TTN: variants seen among roughly 807,000 people sequenced by gnomAD.
TTN encodes connectin.
In TTN, 1,525 loss-of-function variants were observed where a neutral mutation model predicts 3,223.0. That is an observed-to-expected ratio of 0.47 (90% confidence interval 0.45 to 0.49). The LOEUF (loss-of-function observed/expected upper bound fraction) is 0.49. Ranked by LOEUF, TTN falls within the 20% of genes least tolerant of loss-of-function variation. The pLI, the probability that TTN is intolerant of heterozygous loss-of-function variation, is 0.00. For synonymous variants in TTN, 14,094 were observed against 15,161.0 expected, an observed-to-expected ratio of 0.93 and a Z score of 5.17; for missense variants, 40,786 against 43,424.0, an observed-to-expected ratio of 0.94 and a Z score of 5.40.
Position 178,759,182 on chromosome 2 carries a change from A to T in TTN, c.10115-10T>A. 6.2e-7 allele frequency: 1 copy of T among 1,613,890 alleles called. No individual in the cohort carries two copies. Among genetic ancestry groups the T allele is most frequent in the Non-Finnish European group, 8.5e-7 (1 of 1,179,896 alleles). On this transcript the variant is annotated splice_polypyrimidine_tract_variant and intron_variant, in intron 43 of 362. Coordinates refer to ENST00000589042, the MANE Select transcript of TTN (RefSeq NM_001267550.2). ...CACGACACTTTTAGATCTGCGACAC[A>T]AAAGAAAAGAGATACTTCAACCACA...
At position 178,616,394 on chromosome 2, in the gene TTN, A is replaced by G. The variant is rs923848220; in HGVS notation, c.48312+85T>C. 3.8e-6 allele frequency: 6 copies of G among 1,563,032 alleles called. No homozygotes were observed. The African/African-American group carries it at 5.5e-5, about 14-fold the overall frequency. Reference sequence around the variant, plus strand: ...AGGTAAAGGTAAGAAGTTGTAGCACATAAGACTTTTGTATGGCATCCCAAC... The same window carrying G: ...AGGTAAAGGTAAGAAGTTGTAGCACGTAAGACTTTTGTATGGCATCCCAAC... On this transcript the variant is annotated intron_variant, in intron 257 of 362. Coordinates refer to ENST00000589042, the MANE Select transcript of TTN (RefSeq NM_001267550.2).
At position 178,740,161 on chromosome 2, in the gene TTN, C is replaced by T. The variant is rs757979946; in HGVS notation, c.13072G>A (p.Glu4358Lys). Residue 4358 changes from glutamate to lysine, a missense_variant, in exon 48 of 363, where the codon GAG becomes AAG. Transcript: ENST00000589042. ...ATTGCCACGGGCTCTCTTTTAGACT[C>T]AATGATTTGGTCTGGGGGCATCACC... is the stretch of plus-strand genomic sequence containing the variant. ...NVVMPPDQII[E>K]SKREPVAIKK... The T allele has an allele frequency of 1.9e-6, 3 of 1,613,748 alleles. No individual in the cohort carries two copies. The highest frequency in any genetic ancestry group is 2.2e-5 in the South Asian group (2 of 91,052).
At position 178,544,087 on chromosome 2, in the gene TTN, A is replaced by T. The variant is rs786205366; in HGVS notation, c.96057T>A (p.Asp32019Glu). 1 of 1,610,310 alleles carries T rather than the reference A, an allele frequency of 6.2e-7. No individual in the cohort carries two copies. The highest frequency in any genetic ancestry group is 1.3e-5 in the African/African-American group (1 of 74,782). Residue 32019 changes from aspartate to glutamate, a missense_variant, in exon 346 of 363, where the codon GAT (aspartate) becomes GAA (glutamate). Physicochemically the swap from Asp to Glu is conservative, Grantham distance 45. Transcript: ENST00000589042. ...IEIPDLELAD[D>E]LKKTVTIRAG... ...CCCTGATGGTCACAGTCTTCTTTAG[A>T]TCATCTGCAAGCTCAAGATCTGGTA...
At chr2:178,736,383 T>G (rs2081440358) in intron 49 of TTN, among the ~76,000 whole-genome samples, 1 of 152,196 alleles carries the variant, frequency 6.6e-6, no homozygotes, top group Non-Finnish European at 1.5e-5. Flanking sequence ...GATAAGCTAT[T>G]GAGCTGATAC....
intron 47 of TTN, chr2:178,745,786 A>G: frequency 6.2e-7 from 1 of 1,613,224 alleles, no homozygotes; most frequent in Non-Finnish European, 8.5e-7. Context: ...TTGGAGAGCC[A>G]CGAACTAAGC....
chr2:178,623,480 C>G, intron 242 of TTN, among the ~76,000 whole-genome samples: 1 of 151,844 alleles, frequency 6.6e-6, no homozygotes, highest in East Asian at 1.9e-4. Context: ...TGAGTCCTTC[C>G]CAAGATGACC....
Position 178,646,541 on chromosome 2 carries a change from T to A in TTN, c.40241A>T (p.Tyr13414Phe). ...AGGTTCGGGCTCTTCAGGTTTAATA[T>A]ACTTTTCAATTTCACGTTCTTTAAA... ...PPVEEREIEK[Y>F]IKPEEPEPEP... Residue 13414 changes from tyrosine to phenylalanine, a missense_variant, in exon 216 of 363, where the codon TAT (tyrosine) becomes TTT (phenylalanine). Physicochemically the swap from Tyr to Phe is conservative, Grantham distance 22. Coordinates refer to ENST00000589042, the MANE Select transcript of TTN (RefSeq NM_001267550.2). 6.5e-7 allele frequency: 1 copy of A among 1,546,796 alleles called. No individual in the cohort carries two copies. Among genetic ancestry groups the A allele is most frequent in the South Asian group, 1.2e-5 (1 of 83,778 alleles).
Position 178,539,002 on chromosome 2 carries a change from A to T in TTN, c.98933T>A (p.Val32978Asp). 5 of 1,613,734 alleles carry T rather than the reference A, an allele frequency of 3.1e-6. No homozygotes were observed. Among genetic ancestry groups the T allele is most frequent in the Non-Finnish European group, 4.2e-6 (5 of 1,179,694 alleles). ...AGCAGGGCTGGTCTCACTCAGGCCA[A>T]CATCATTCTGTGCGATGATGCGGAA... is the stretch of plus-strand genomic sequence containing the variant. Reference protein sequence around the residue: ...YQFRIIAQNDVGLSETSPASE... With the variant: ...YQFRIIAQNDDGLSETSPASE... The change falls in exon 353 of 363, where the codon GTT becomes GAT. Residue 32978 changes from valine (V) to aspartate (D), a missense_variant. Val to Asp is a radical substitution (Grantham distance 152). Coordinates refer to ENST00000589042, the MANE Select transcript of TTN (RefSeq NM_001267550.2).
At position 178,775,883 on chromosome 2, in the gene TTN, G is replaced by A. The variant is rs758483877; in HGVS notation, c.5981C>T (p.Ser1994Leu). Residue 1994 changes from serine to leucine, a missense_variant, in exon 28 of 363, where the codon TCG (serine) becomes TTG (leucine). Physicochemically the swap from Ser to Leu is moderately radical, Grantham distance 145. Transcript: ENST00000589042. ...CTTGAATTTACTGCGCAGCTCTTCC[G>A]ACTCTTCAGGCACTTTTTCATGGGT... ...RITHEKVPEESEELRSKFKRR... is the reference protein window; with the variant it reads ...RITHEKVPEELEELRSKFKRR... 6.8e-6 allele frequency: 11 copies of A among 1,613,960 alleles called. No individual in the cohort carries two copies. The highest frequency in any genetic ancestry group is 1.6e-4 in the Middle Eastern group (1 of 6,084).
chr2:178,717,299 C>T lies in TTN; in HGVS notation c.25435G>A (p.Val8479Ile), dbSNP rs990182590. 3 of 1,613,564 alleles carry T rather than the reference C, an allele frequency of 1.9e-6. No homozygotes were observed. ...LGESGTFKCH[V>I]TGTAPIKITW... ...ATTTTGATTGGTGCAGTCCCAGTTA[C>T]ATGACATTTAAAAGTACCACTTTCT... Residue 8479 changes from valine (V) to isoleucine (I), a missense_variant, in exon 88 of 363, where the codon GTA becomes ATA. Physicochemically the swap from Val to Ile is conservative, Grantham distance 29. Transcript: ENST00000589042.
chr2:178,547,393 T>A lies in TTN; in HGVS notation c.94219+14A>T. On this transcript the variant is annotated intron_variant, in intron 339 of 362. Transcript: ENST00000589042. ...ATAATAGAGACTTTGAAATAGGATT[T>A]TTATTTTTCTTACCAAATGGATGTT... is the stretch of plus-strand genomic sequence containing the variant. 6.3e-7 allele frequency: 1 copy of A among 1,585,078 alleles called. No individual in the cohort carries two copies. Among genetic ancestry groups the A allele is most frequent in the Non-Finnish European group, 8.6e-7 (1 of 1,165,550 alleles).
rs994448356 is a variant in TTN at position 178,546,681 on chromosome 2, G to A, written c.94747C>T (p.Arg31583Cys). The A allele has an allele frequency of 1.9e-6, 3 of 1,613,586 alleles. No homozygotes were observed. Among genetic ancestry groups the A allele is most frequent in the African/African-American group, 1.3e-5 (1 of 74,898 alleles). Reference protein sequence around the residue: ...ALSEGDTYEFRVLAKNAAGVI... With the variant: ...ALSEGDTYEFCVLAKNAAGVI... ...CCTGCTGCATTCTTGGCTAACACAC[G>A]GAACTCATAAGTGTCTCCTTCACTG... Residue 31583 changes from arginine to cysteine, a missense_variant, in exon 341 of 363, where the codon CGT (arginine) becomes TGT (cysteine). Arg to Cys is a radical substitution (Grantham distance 180). Coordinates refer to ENST00000589042, the MANE Select transcript of TTN (RefSeq NM_001267550.2).
chr2:178,743,562 T>G (rs895212443), intron 47 of TTN, among the ~76,000 whole-genome samples: 3 of 151,898 alleles, frequency 2.0e-5, no homozygotes, highest in Non-Finnish European at 4.4e-5. Flanking sequence ...TGAATAAGAG[T>G]GTTTTTCAGC....
chr2:178,681,087 G>A lies in TTN; in HGVS notation c.33332C>T (p.Ala11111Val). The change falls in exon 138 of 363, where the codon GCT becomes GTT. Residue 11111 changes from alanine to valine, a missense_variant. Transcript: ENST00000589042. ...GAAGGAAATCATTATACCTTTAGCA[G>A]CGGGTTCAGTCACCTGCTCTTTTTC... ...KREKEQVTEPAAKVPMKPKRV... is the reference protein window; with the variant it reads ...KREKEQVTEPVAKVPMKPKRV... 1 of 1,600,622 alleles carries A rather than the reference G, an allele frequency of 6.2e-7. No individual in the cohort carries two copies. Among genetic ancestry groups the A allele is most frequent in the South Asian group, 1.1e-5 (1 of 87,202 alleles).
chr2:178,567,606 A>G lies in TTN; in HGVS notation c.78526T>C (p.Ser26176Pro). The change falls in exon 326 of 363, where the codon TCT becomes CCT. Residue 26176 changes from serine to proline, a missense_variant. Transcript: ENST00000589042. ...GCAGTTATTGGTCCAGTACTGTCAG[A>G]GGGTTTACTTATTGCACCAGCTGCA... ...KNAAGAISKP[S>P]DSTGPITAKD... 1 of 1,611,860 alleles carries G rather than the reference A, an allele frequency of 6.2e-7. No individual in the cohort carries two copies. Among genetic ancestry groups the G allele is most frequent in the Non-Finnish European group, 8.5e-7 (1 of 1,178,576 alleles).
chr2:178,575,295 TC>T lies in TTN; in HGVS notation c.70836del (p.Arg23613GlufsTer53). 1 of 1,613,434 alleles carries T rather than the reference TC, an allele frequency of 6.2e-7. No homozygotes were observed. The highest frequency in any genetic ancestry group is 8.5e-7 in the Non-Finnish European group (1 of 1,179,642). ...GGTCTGCTTTCTCTAGGGGCACTTC[TC>T]CCCGCGCTGTTCACTGCCATCACTT... ...TFQVMAVNSA[G>X]RSAPRESRPV... is the part of the protein sequence containing the mutation. On this transcript the variant is annotated frameshift_variant, in exon 326 of 363. Transcript: ENST00000589042. LOFTEE classifies it high-confidence loss of function. The surrounding 1 kb of genome is among the most constrained non-coding windows in gnomAD (Gnocchi z 4.0).
rs1213112359 is a variant in TTN at position 178,683,278 on chromosome 2, T to C, written c.32820A>G (p.Arg10940=). The C allele has an allele frequency of 6.5e-7, 1 of 1,541,684 alleles. No individual in the cohort carries two copies. The highest frequency in any genetic ancestry group is 1.4e-5 in the African/African-American group (1 of 72,830). Residue 10940 remains arginine (R), a synonymous_variant, in exon 134 of 363, where the codon AGA becomes AGG. Coordinates refer to ENST00000589042, the MANE Select transcript of TTN (RefSeq NM_001267550.2). The stretch of plus-strand genomic sequence containing the variant: ...CTTTTTCTTCTTTAACCACTCTTTT[T>C]CTGAATTCAGTCACTTTAAAGGAGT... ...EEPPAKVTEF[R]KRVVKEEKVS...
At position 178,572,005 on chromosome 2, in the gene TTN, G is replaced by A. The variant is rs1440466818; in HGVS notation, c.74127C>T (p.Ala24709=). 6.2e-7 allele frequency: 1 copy of A among 1,613,170 alleles called. No individual in the cohort carries two copies. Among genetic ancestry groups the A allele is most frequent in the Non-Finnish European group, 8.5e-7 (1 of 1,179,538 alleles). The change falls in exon 326 of 363, where the codon GCC becomes GCT. Residue 24709 remains alanine (A), a synonymous_variant. Coordinates refer to ENST00000589042, the MANE Select transcript of TTN (RefSeq NM_001267550.2). ...AGGCTGGTGGAATGACAAGATCTTTGGCGATCACTGGCACACTCAGTTGTC... is the reference window on the plus strand; with the variant it reads ...AGGCTGGTGGAATGACAAGATCTTTAGCGATCACTGGCACACTCAGTTGTC... ...DPRQLSVPVI[A]KDLVIPPAFK... is the part of the protein sequence containing the mutation.
intron 43 of TTN, among the ~76,000 whole-genome samples, chr2:178,762,710 A>G (rs2089523522): frequency 6.6e-6 from 1 of 152,192 alleles, no homozygotes; most frequent in Admixed American, 6.5e-5. Flanking sequence ...CTCATTTATT[A>G]ATATTTAGCA....
Sources: allele counts gnomAD v4.1 joint callset (sites outside exome capture counted in the v4.1 genomes callset), GRCh38; gene constraint gnomAD v4.1.1; non-coding constraint Gnocchi (gnomAD v3.1); transcripts MANE v1.5; gene names NCBI Gene and HGNC (gene_info 2026-07-23, HGNC 2026-07-21).